The following OSBP variants were observed in gnomAD, a reference collection of about 807,000 sequenced individuals.
The protein encoded by OSBP is oxysterol-binding protein 1.
In OSBP, 32 loss-of-function variants were observed where a neutral mutation model predicts 96.6. The observed-to-expected ratio is 0.33, with a 90% CI of 0.25 to 0.45. OSBP has a LOEUF of 0.45. Among genes scored for constraint, OSBP ranks in the 20% least tolerant of loss-of-function variants. The pLI is 1.00. For missense variants in OSBP, 653 were observed against 1,029.7 expected, an observed-to-expected ratio of 0.63 and a Z score of 5.01; for synonymous variants, 369 against 389.6, an observed-to-expected ratio of 0.95 and a Z score of 0.62.
rs1045338421 is a variant in OSBP, at chr11:59,575,860, C to G, written c.*717G>C. 5 of 152,128 alleles carry G rather than the reference C, an allele frequency of 3.3e-5. No individual in the cohort carries two copies. The highest frequency in any genetic ancestry group is 7.3e-5 in the Non-Finnish European group (5 of 68,036). 9.4% of individuals were successfully genotyped at this position (152,128 alleles called of 1,614,324 possible). A position where few individuals can be genotyped will look rare whatever the true frequency, so the allele number is the denominator to read the frequency against. ...ACCCCTTTGTGAGGAGAATGCACCC[C>G]CTTACCAATGACCAAAGTGGTCTCC... On this transcript the variant is annotated 3_prime_UTR_variant, in exon 14 of 14. Coordinates refer to ENST00000263847, the MANE Select transcript of OSBP (RefSeq NM_002556.3).
chr11:59,577,532 G>A (rs1049200180), intron 12 of OSBP, among the ~76,000 whole-genome samples: 12 of 151,464 alleles, frequency 7.9e-5, no homozygotes, highest in Non-Finnish European at 1.6e-4. Context: ...TCACTCTGTC[G>A]CCTAGGCTGG....
intron 9 of OSBP, among the ~76,000 whole-genome samples, chr11:59,585,809 T>C (rs1223181192): frequency 2.6e-5 from 4 of 152,244 alleles, no homozygotes; most frequent in Non-Finnish European, 5.9e-5. Context: ...GACTTTTCAT[T>C]TTGTTCTGTT....
At chr11:59,608,997 A>G (rs778643548) in intron 2 of OSBP, among the ~76,000 whole-genome samples, 10 of 152,236 alleles carry the variant, frequency 6.6e-5, no homozygotes, top group Non-Finnish European at 1.0e-4. Flanking sequence ...GGCAAAGCCC[A>G]GGAATCTGCC....
chr11:59,585,906 T>A (rs1000227026), intron 9 of OSBP, among the ~76,000 whole-genome samples: 15 of 152,324 alleles, frequency 9.8e-5, no homozygotes, highest in Admixed American at 2.6e-4. Flanking sequence ...CTGTGTCCAC[T>A]CAGGGTTAAA....
chr11:59,601,675 G>A lies in OSBP; in HGVS notation c.986C>T (p.Pro329Leu), dbSNP rs141158743. ...ERAFRGATVL[P>L]ANTPGNVGSG... is the part of the protein sequence containing the mutation. ...ACCCACATTGCCAGGAGTGTTTGCCGGCAGCACCGTGGCTCCTCGGAAGGC... is the reference window on the plus strand; with the variant it reads ...ACCCACATTGCCAGGAGTGTTTGCCAGCAGCACCGTGGCTCCTCGGAAGGC... The change falls in exon 4 of 14, where the codon CCG becomes CTG. Residue 329 changes from proline to leucine, a missense_variant. Physicochemically the swap from Pro to Leu is moderately conservative, Grantham distance 98. This residue lies in a region of OSBP where 308 missense variants were observed against 573.1 expected (regional missense o/e 0.54). Coordinates refer to ENST00000263847, the MANE Select transcript of OSBP (RefSeq NM_002556.3). 4.3e-6 allele frequency: 7 copies of A among 1,613,082 alleles called. No homozygotes were observed. Among genetic ancestry groups the A allele is most frequent in the Non-Finnish European group, 5.9e-6 (7 of 1,180,010 alleles).
intron 9 of OSBP, among the ~76,000 whole-genome samples, chr11:59,588,450 C>T (rs539694304): frequency 9.9e-5 from 15 of 151,232 alleles, no homozygotes; most frequent in African/African-American, 1.5e-4. Context: ...TCACAAGAAT[C>T]GCTTGAACCT....
chr11:59,602,109 G>C (rs902083323), intron 3 of OSBP, among the ~76,000 whole-genome samples: 10 of 152,212 alleles, frequency 6.6e-5, no homozygotes, highest in Non-Finnish European at 1.0e-4. Flanking sequence ...AGTAAACCCA[G>C]ACGAAGTATT....
chr11:59,615,504 G>C lies in OSBP; in HGVS notation c.161C>G (p.Ala54Gly). The C allele has an allele frequency of 1.6e-6, 2 of 1,215,802 alleles. No individual in the cohort carries two copies. The highest frequency in any genetic ancestry group is 2.0e-6 in the Non-Finnish European group (2 of 978,898). 75.3% of individuals were successfully genotyped at this position (1,215,802 alleles called of 1,614,324 possible). ...GGCCCCCGGGCCCGGGCCTCCCGCC[G>C]CCGCCGCGACCACCGTCCCTGACGC... ...GAASGTVVAAAAGGPGPGAGG... is the reference protein window; with the variant it reads ...GAASGTVVAAGAGGPGPGAGG... The change falls in exon 1 of 14, where the codon GCG becomes GGG. Residue 54 changes from alanine to glycine, a missense_variant. Transcript: ENST00000263847.
At chr11:59,615,274 G>A (rs1442074903) in intron 1 of OSBP, 29 bp downstream of exon 1, 1 of 1,562,136 alleles carries the variant, frequency 6.4e-7, no homozygotes, top group African/African-American at 1.4e-5. Context: ...GGGAGGCAAG[G>A]TGAGCGACAG....
At position 59,601,805 on chromosome 11, in the gene OSBP, G is replaced by A; in HGVS notation, c.856C>T (p.His286Tyr). 1 of 1,614,138 alleles carries A rather than the reference G, an allele frequency of 6.2e-7. No homozygotes were observed. The highest frequency in any genetic ancestry group is 2.2e-5 in the East Asian group (1 of 44,882). ...AGTGACTTTTGCCATTTTTTACTATGGGTCTGGGCTAACATGAGGAAATCT... is the reference window on the plus strand; with the variant it reads ...AGTGACTTTTGCCATTTTTTACTATAGGTCTGGGCTAACATGAGGAAATCT... ...CRDFLMLAQTHSKKWQKSLQY... is the reference protein window; with the variant it reads ...CRDFLMLAQTYSKKWQKSLQY... Residue 286 changes from histidine to tyrosine, a missense_variant, in exon 4 of 14, where the codon CAT (histidine) becomes TAT (tyrosine). His to Tyr is a moderately conservative substitution (Grantham distance 83). Around this residue, in one of 6 missense-constraint regions of OSBP, gnomAD observed 308 missense variants for 573.1 expected, o/e 0.54. Transcript: ENST00000263847.
At chr11:59,598,045 G>A (rs543494719) in intron 7 of OSBP, among the ~76,000 whole-genome samples, 1 of 152,254 alleles carries the variant, frequency 6.6e-6, no homozygotes, top group Non-Finnish European at 1.5e-5. Context: ...TCCCCACGTT[G>A]CCCAGACTGG....
intron 1 of OSBP, among the ~76,000 whole-genome samples, chr11:59,614,899 G>A (rs1474319091): frequency 6.6e-6 from 1 of 152,248 alleles, no homozygotes; most frequent in African/African-American, 2.4e-5. Flanking sequence ...GACTTCCACT[G>A]TAAGTTCCTT....
chr11:59,596,806 G>A (rs529243378), intron 7 of OSBP, among the ~76,000 whole-genome samples: 1 of 152,272 alleles, frequency 6.6e-6, no homozygotes, highest in Admixed American at 6.5e-5. Context: ...GGGCATAGAG[G>A]GAGAGACTTC....
In OSBP at chr11:59,600,316, A is replaced by G. The variant is rs980645737; in HGVS notation, c.1311+180T>C. On this transcript the variant is annotated intron_variant, in intron 7 of 13. Transcript: ENST00000263847. ...ATCTGATTCTAGGTGATCTGGGAAC[A>G]TATCAGATCCAGAGCCAAAATTAAA... is the stretch of plus-strand genomic sequence containing the variant. 1.1e-4 allele frequency among the ~76,000 whole-genome samples: 16 copies of G among 152,334 alleles called. No individual in the cohort carries two copies. The Middle Eastern group carries it at 0.01, about 97-fold the overall frequency.
chr11:59,597,849 G>A (rs1393327023), intron 7 of OSBP, among the ~76,000 whole-genome samples: 2 of 152,150 alleles, frequency 1.3e-5, no homozygotes, highest in African/African-American at 4.8e-5. Context: ...GGGGCTACAG[G>A]CTCGTGCCAC....
Position 59,576,422 on chromosome 11 carries a change from G to T in OSBP, c.*155C>A. The T allele has an allele frequency of 1.3e-6, 1 of 794,804 alleles. No homozygotes were observed. Among genetic ancestry groups the T allele is most frequent in the East Asian group, 2.5e-5 (1 of 40,136 alleles). 49.2% of individuals were successfully genotyped at this position (794,804 alleles called of 1,614,324 possible). On this transcript the variant is annotated 3_prime_UTR_variant, in exon 14 of 14. Transcript: ENST00000263847. ...AGGCAACCAGCCAATCACCACCACT[G>T]GTGTCTCCTTCTGGTGATTGATTTG...
chr11:59,604,099 A>G (rs148627751), intron 3 of OSBP, among the ~76,000 whole-genome samples: 1 of 152,302 alleles, frequency 6.6e-6, no homozygotes, highest in African/African-American at 2.4e-5. Flanking sequence ...ATCTAGCTGT[A>G]CAAATAAGGG....
chr11:59,582,089 C>T (rs1590667468), intron 9 of OSBP, among the ~76,000 whole-genome samples: 1 of 152,218 alleles, frequency 6.6e-6, no homozygotes, highest in Admixed American at 6.5e-5. Context: ...GTATGACCCT[C>T]TGTTGTATAA....
At chr11:59,603,499 A>T (rs1860744965) in intron 3 of OSBP, among the ~76,000 whole-genome samples, 1 of 149,188 alleles carries the variant, frequency 6.7e-6, no homozygotes, top group Admixed American at 6.7e-5. Context: ...TTCAAAATTA[A>T]TGCATCCCAA....
Sources: allele counts gnomAD v4.1 joint callset (sites outside exome capture counted in the v4.1 genomes callset), GRCh38; gene constraint gnomAD v4.1.1; regional missense constraint gnomAD v4.1.1; transcripts MANE v1.5; gene names NCBI Gene and HGNC (gene_info 2026-07-23, HGNC 2026-07-21).